Variants in PTPRD observed in about 807,000 individuals in gnomAD.
The protein encoded by PTPRD is receptor-type tyrosine-protein phosphatase delta.
A neutral mutation model predicts 214.5 loss-of-function variants in PTPRD; 34 were observed. The observed-to-expected ratio is 0.16, with a 90% CI of 0.12 to 0.21. The LOEUF (loss-of-function observed/expected upper bound fraction) is 0.21. PTPRD is among the 10% of genes least tolerant of loss of function. The probability of loss-of-function intolerance (pLI) is 1.00; values close to 1 mark genes in which losing one functional copy is unlikely to be tolerated. For missense variants in PTPRD, 2,545 were observed against 2,398.7 expected (o/e 1.06, Z -1.27); for synonymous variants, 1,128 against 845.7 (o/e 1.33, Z -5.79).
At chr9:9,126,971 G>A (rs765926008) in intron 10 of PTPRD, among the ~76,000 whole-genome samples, 5 of 151,628 alleles carry the variant, frequency 3.3e-5, no homozygotes, top group South Asian at 2.1e-4. Context: ...CCATCCCATC[G>A]CAGAGCACAT....
At chr9:8,851,445 G>T (rs540145838) in intron 11 of PTPRD, among the ~76,000 whole-genome samples, 1 of 152,242 alleles carries the variant, frequency 6.6e-6, no homozygotes, top group Non-Finnish European at 1.5e-5. Flanking sequence ...TTTAATAAAT[G>T]TGCTAAGCAG....
At chr9:9,856,929 G>C (rs958078110) in intron 5 of PTPRD, among the ~76,000 whole-genome samples, 2 of 151,898 alleles carry the variant, frequency 1.3e-5, no homozygotes, top group Non-Finnish European at 2.9e-5. Context: ...TGTGAATTAG[G>C]TCACTTAAAA....
At chr9:10,028,226 T>G (rs926286262) in intron 4 of PTPRD, among the ~76,000 whole-genome samples, 1 of 152,240 alleles carries the variant, frequency 6.6e-6, no homozygotes, top group Non-Finnish European at 1.5e-5. Context: ...CCTTCTGCCA[T>G]GATCGTGAGG....
At chr9:8,423,941 T>C (rs1283853783) in intron 35 of PTPRD, among the ~76,000 whole-genome samples, 4 of 152,176 alleles carry the variant, frequency 2.6e-5, no homozygotes, top group African/African-American at 9.6e-5. Context: ...ATCAAATATA[T>C]TTTTCTGTTT....
chr9:8,930,966 T>C (rs1010044440), intron 11 of PTPRD, among the ~76,000 whole-genome samples: 4 of 152,196 alleles, frequency 2.6e-5, no homozygotes, highest in African/African-American at 4.8e-5. Flanking sequence ...TTTAGTTTAA[T>C]GAGATCCCAT....
intron 12 of PTPRD, among the ~76,000 whole-genome samples, chr9:8,716,385 T>C (rs1015503808): frequency 6.6e-6 from 1 of 152,236 alleles, no homozygotes; most frequent in Non-Finnish European, 1.5e-5. Flanking sequence ...TGTAAGATAC[T>C]AGGTAATAGA....
intron 18 of PTPRD, among the ~76,000 whole-genome samples, chr9:8,524,232 C>A (rs1266846571): frequency 1.2e-4 from 19 of 152,266 alleles, no homozygotes; most frequent in Admixed American, 1.2e-3. Flanking sequence ...ATAATTCATT[C>A]TTGTCTCAAG....
chr9:9,685,886 G>T (rs1174626295), intron 7 of PTPRD, among the ~76,000 whole-genome samples: 1 of 151,018 alleles, frequency 6.6e-6, no homozygotes, highest in Non-Finnish European at 1.5e-5. Context: ...TTCTCAAAAA[G>T]GAATTACTAT....
chr9:10,572,250 G>C (rs1176624478), intron 2 of PTPRD, among the ~76,000 whole-genome samples: 2 of 152,106 alleles, frequency 1.3e-5, no homozygotes, highest in African/African-American at 4.8e-5. Context: ...TAAAATGAGT[G>C]TTTTAAAGCT....
In PTPRD at chr9:8,934,395, G is replaced by T. The variant is rs1036216598; in HGVS notation, c.-104+84302C>A. On this transcript the variant is annotated intron_variant, in intron 11 of 45. Coordinates refer to ENST00000381196, the MANE Select transcript of PTPRD (RefSeq NM_002839.4). ...GGTGTAATTGACAAATACTAATTAT[G>T]TGTGTGTGTGTGTGTGTGTGTGTGT... Among the ~76,000 whole-genome samples, 7 of 24,586 alleles carry T rather than the reference G, an allele frequency of 2.8e-4. No homozygotes were observed. In the Admixed American group the frequency reaches 4.5e-3, roughly 16 times the overall value. The allele number at this position is 24,586 out of a possible 152,430, so 16.1% of individuals were successfully genotyped here.
chr9:9,774,163 G>A (rs527516509), intron 5 of PTPRD, among the ~76,000 whole-genome samples: 122 of 152,234 alleles, frequency 8.0e-4, no homozygotes, highest in African/African-American at 2.8e-3. Context: ...AGTGTGCCCC[G>A]CAGCTAGAAA....
At chr9:9,836,676 A>G (rs969813702) in intron 5 of PTPRD, among the ~76,000 whole-genome samples, 2 of 152,160 alleles carry the variant, frequency 1.3e-5, no homozygotes, top group African/African-American at 4.8e-5. Context: ...CACACAGCAT[A>G]GACTACGTGG....
At chr9:9,341,853 G>C (rs541857095) in intron 9 of PTPRD, among the ~76,000 whole-genome samples, 2 of 152,124 alleles carry the variant, frequency 1.3e-5, no homozygotes, top group African/African-American at 4.8e-5. Context: ...TTGTCACCCA[G>C]GCTGGAGTTC....
At chr9:9,114,906 G>A (rs2099810854) in intron 10 of PTPRD, among the ~76,000 whole-genome samples, 1 of 152,062 alleles carries the variant, frequency 6.6e-6, no homozygotes, top group Admixed American at 6.6e-5. Context: ...TCTTGAATTT[G>A]AATTTAAACT....
intron 9 of PTPRD, among the ~76,000 whole-genome samples, chr9:9,234,065 C>G (rs557118932): frequency 6.6e-6 from 1 of 152,324 alleles, no homozygotes; most frequent in African/African-American, 2.4e-5. Flanking sequence ...TCTGCACTGC[C>G]CTAGCAGAGG....
intron 2 of PTPRD, among the ~76,000 whole-genome samples, chr9:10,459,794 A>T (rs2098945290): frequency 6.6e-6 from 1 of 151,804 alleles, no homozygotes; most frequent in Non-Finnish European, 1.5e-5. Context: ...TGGATTCTGG[A>T]TATTAGCCCT....
rs552975058 is a variant in PTPRD, at chr9:9,322,177, G to A, written c.-203+75272C>T. Among the ~76,000 whole-genome samples, 56 of 152,256 alleles carry A rather than the reference G, an allele frequency of 3.7e-4. 1 individual carries two copies. The highest frequency in any genetic ancestry group is 1.3e-3 in the African/African-American group (53 of 41,568). ...AACAAAATGGTCTTAAAGTATTGTA[G>A]CTTAAAGATGTTTTTAAACATTCCA... On this transcript the variant is annotated intron_variant, in intron 9 of 45. Transcript: ENST00000381196.
intron 9 of PTPRD, among the ~76,000 whole-genome samples, chr9:9,265,128 A>T (rs918695542): frequency 2.6e-5 from 4 of 151,770 alleles, no homozygotes; most frequent in African/African-American, 4.8e-5. Context: ...ATAGTAAAAT[A>T]CAAAATATTC....
At chr9:8,843,552 T>A (rs2097613402) in intron 11 of PTPRD, among the ~76,000 whole-genome samples, 1 of 152,212 alleles carries the variant, frequency 6.6e-6, no homozygotes, top group Non-Finnish European at 1.5e-5. Flanking sequence ...TACATGTGGT[T>A]ATTAACCACT....
Sources: gnomAD v4.1 joint callset for allele counts (sites outside exome capture counted in the v4.1 genomes callset) on GRCh38, gnomAD v4.1.1 for gene constraint, MANE v1.5 for transcripts, NCBI Gene and HGNC (gene_info 2026-07-23, HGNC 2026-07-21) for gene names.